EXD3: variants seen among roughly 807,000 people sequenced by gnomAD.
The protein encoded by EXD3 is exonuclease mut-7 homolog.
Under a neutral mutation model 98.0 loss-of-function variants are expected in EXD3, and 92 were observed. The observed-to-expected ratio is 0.94, with a 90% confidence interval of 0.79 to 1.12. The LOEUF is 1.12. Among genes scored for constraint, EXD3 ranks in the 50% most tolerant of loss-of-function variants. The probability of loss-of-function intolerance (pLI) is 0.00; values close to 1 mark genes in which losing one functional copy is unlikely to be tolerated. For missense variants in EXD3, 1,222 were observed against 1,191.6 expected (o/e 1.03, Z -0.38); for synonymous variants, 569 against 526.0 (o/e 1.08, Z -1.12).
intron 7 of EXD3, chr9:137,366,107 C>T (rs1835239100): frequency 1.4e-6 from 1 of 694,804 alleles, no homozygotes; most frequent in Non-Finnish European, 2.6e-6. Flanking sequence ...CAGGTGCTGC[C>T]TTTTCTCTGT....
Position 137,366,797 on chromosome 9 carries a change from G to A in EXD3, c.517-165C>T, listed in dbSNP as rs143198437. Among the ~76,000 whole-genome samples the A allele has an allele frequency of 1.2e-4, 18 of 152,300 alleles. No homozygotes were observed. In the East Asian group the frequency reaches 2.5e-3, roughly 21 times the overall value. On this transcript the variant is annotated intron_variant, in intron 6 of 21. Transcript: ENST00000340951. ...CCAGTGCTCACGCTCACACACACTC[G>A]CCCAAGGCTCCTGCTGGGCTCTGTG...
chr9:137,327,154 G>A (rs1430134235), intron 17 of EXD3, among the ~76,000 whole-genome samples: 1 of 146,126 alleles, frequency 6.8e-6, no homozygotes, highest in African/African-American at 2.5e-5. Context: ...TTTTTTTTGA[G>A]ACAGAGTCTT....
chr9:137,417,214 C>T (rs1406189838), intron 1 of EXD3, among the ~76,000 whole-genome samples: 2 of 152,222 alleles, frequency 1.3e-5, no homozygotes, highest in Non-Finnish European at 2.9e-5. Context: ...TGGACTCGCA[C>T]AGAGGACGCG....
intron 10 of EXD3, 182 bp from the exon 11 acceptor site, chr9:137,352,968 C>T (rs575736579): frequency 6.5e-5 from 92 of 1,409,998 alleles, no homozygotes; most frequent in Admixed American, 1.8e-4. Context: ...TCCACAGGAC[C>T]AAAGCGGCTG....
chr9:137,335,612 G>A (rs547090344), intron 17 of EXD3, among the ~76,000 whole-genome samples: 18 of 151,970 alleles, frequency 1.2e-4, no homozygotes, highest in Non-Finnish European at 2.4e-4. Flanking sequence ...CCCGGGAGGC[G>A]GAGGTTGCAG....
chr9:137,372,004 G>C (rs1252191963), intron 5 of EXD3, among the ~76,000 whole-genome samples: 1 of 152,174 alleles, frequency 6.6e-6, no homozygotes, highest in Non-Finnish European at 1.5e-5. Flanking sequence ...CGACGGGGCT[G>C]TGATGCTAGA....
chr9:137,310,720 A>C (rs1178645497), intron 19 of EXD3, among the ~76,000 whole-genome samples: 1 of 152,166 alleles, frequency 6.6e-6, no homozygotes, highest in East Asian at 1.9e-4. Context: ...CAATGCCAGG[A>C]GGGGGCTGGG....
chr9:137,384,168 C>A (rs1588397611), intron 2 of EXD3, among the ~76,000 whole-genome samples: 1 of 152,216 alleles, frequency 6.6e-6, no homozygotes, highest in African/African-American at 2.4e-5. Context: ...GCTGGGCCCC[C>A]CTGCAGGGCA....
At chr9:137,397,897 C>A (rs988601134) in intron 1 of EXD3, among the ~76,000 whole-genome samples, 1 of 151,994 alleles carries the variant, frequency 6.6e-6, no homozygotes, top group African/African-American at 2.4e-5. Flanking sequence ...GAGCCGAGAT[C>A]GCACCACTGC....
At position 137,348,177 on chromosome 9, in the gene EXD3, C is replaced by G. The variant is rs754981932; in HGVS notation, c.1892G>C (p.Arg631Pro). 1 of 1,612,020 alleles carries G rather than the reference C, an allele frequency of 6.2e-7. No homozygotes were observed. Among genetic ancestry groups the G allele is most frequent in the Non-Finnish European group, 8.5e-7 (1 of 1,179,682 alleles). ...AAPQIPARAF[R>P]VVCDNMLQGL... Reference sequence around the variant, plus strand: ...CTGCAGCATGTTGTCACACACCACACGGAAGGCCCTGGCCGGAATCTGAGG... The same window carrying G: ...CTGCAGCATGTTGTCACACACCACAGGGAAGGCCCTGGCCGGAATCTGAGG... The change falls in exon 17 of 22, where the codon CGT (arginine) becomes CCT (proline). Residue 631 changes from arginine (R) to proline (P), a missense_variant. Physicochemically the swap from Arg to Pro is moderately radical, Grantham distance 103. Transcript: ENST00000340951.
rs571716824 is a variant in EXD3, at chr9:137,405,466, C to T, written c.-47-10062G>A. ...AGCCGCGGACGGAGCCCAGGGCGGC[C>T]GTCGCAGGCCACTCACCCGTCCCCA... On this transcript the variant is annotated intron_variant, in intron 1 of 21. Transcript: ENST00000340951. The surrounding 1 kb of genome is among the most constrained non-coding windows in gnomAD (Gnocchi z 4.1). 1.3e-5 allele frequency among the ~76,000 whole-genome samples: 2 copies of T among 152,334 alleles called. No homozygotes were observed. Among genetic ancestry groups the T allele is most frequent in the Admixed American group, 6.5e-5 (1 of 15,302 alleles).
chr9:137,354,381 CA>C lies in EXD3; in HGVS notation c.832-5del, dbSNP rs1834494925. ...AGTTCTCCTGTGACAGGCTCTTCTG[CA>C]AAGGCAAACAGGAAGGGGCGGTTGC... On this transcript the variant is annotated splice_polypyrimidine_tract_variant and splice_region_variant and intron_variant, in intron 9 of 21. Transcript: ENST00000340951. 2.5e-6 allele frequency: 4 copies of C among 1,612,340 alleles called. No individual in the cohort carries two copies. The East Asian group carries it at 8.9e-5, about 36-fold the overall frequency.
At chr9:137,356,225 C>T in intron 8 of EXD3, 43 bp downstream of exon 8, 1 of 1,460,384 alleles carries the variant, frequency 6.8e-7, no homozygotes, top group Non-Finnish European at 9.4e-7. Context: ...CGCTTGGCGG[C>T]TCTCCCTGGC....
chr9:137,354,164 GGCCTGAGGACCCTACACCC>G (rs1834476164), intron 10 of EXD3, 156 bp downstream of exon 10: 1 of 1,437,320 alleles, frequency 7.0e-7, no homozygotes, highest in African/African-American at 1.4e-5. Flanking sequence ...AGGCCTCCCG[GGCCTGAGGACCCTACACCC>G]GCCTGCCAGC....
rs1384929011 is a variant in EXD3 at position 137,403,898 on chromosome 9, AC to A, written c.-47-8495del. On this transcript the variant is annotated intron_variant, in intron 1 of 21. Transcript: ENST00000340951. This position sits in a 1 kb window ranked among gnomAD's most constrained non-coding sequence, Gnocchi z 6.1. ...ATGGGTCCCGAGGCGGGGCAGTCACACCCCCACGCCATCTCTGCATAGACCC... is the reference window on the plus strand; with the variant it reads ...ATGGGTCCCGAGGCGGGGCAGTCACACCCCACGCCATCTCTGCATAGACCC... Among the ~76,000 whole-genome samples, 1 of 152,064 alleles carries A rather than the reference AC, an allele frequency of 6.6e-6. No homozygotes were observed. The highest frequency in any genetic ancestry group is 1.5e-5 in the Non-Finnish European group (1 of 68,020).
intron 1 of EXD3, among the ~76,000 whole-genome samples, chr9:137,399,260 G>A (rs572595980): frequency 6.3e-4 from 96 of 152,316 alleles, no homozygotes; most frequent in African/African-American, 2.2e-3. Context: ...CCCCGGGGCC[G>A]TGGCCGGATC....
rs779247850 is a variant in EXD3, at chr9:137,351,400, C to A, written c.1302G>T (p.Ser434=). 1.2e-5 allele frequency: 20 copies of A among 1,609,962 alleles called. No individual in the cohort carries two copies. The Admixed American group carries it at 2.9e-4, about 23-fold the overall frequency. Residue 434 remains serine (S), a synonymous_variant, in exon 13 of 22, where the codon TCG becomes TCT. Coordinates refer to ENST00000340951, the MANE Select transcript of EXD3 (RefSeq NM_017820.5). ...GGGCTCCCTGCCCTGTTGGTGGCTGCGAGAGTGCCAGGACGTCCAGAAGGA... is the reference window on the plus strand; with the variant it reads ...GGGCTCCCTGCCCTGTTGGTGGCTGAGAGAGTGCCAGGACGTCCAGAAGGA... ...HVFLLDVLAL[S]QPPTGQGAQA...
rs369230622 is a variant in EXD3 at position 137,367,954 on chromosome 9, C to T, written c.498G>A (p.Ser166=). ...ATLGATLKLQ[S]ELGVEKMSIP... Reference sequence around the variant, plus strand: ...CGTTCACCTTTTCAACGCCAAGCTCCGACTGCAGCTTCAACGTCGCGCCCA... The same window carrying T: ...CGTTCACCTTTTCAACGCCAAGCTCTGACTGCAGCTTCAACGTCGCGCCCA... Residue 166 remains serine (S), a synonymous_variant, in exon 6 of 22, where the codon TCG becomes TCA. Coordinates refer to ENST00000340951, the MANE Select transcript of EXD3 (RefSeq NM_017820.5). 79 of 1,611,948 alleles carry T rather than the reference C, an allele frequency of 4.9e-5. No individual in the cohort carries two copies. The highest frequency in any genetic ancestry group is 1.6e-4 in the Middle Eastern group (1 of 6,080).
At chr9:137,315,018 C>T (rs1831567328) in intron 19 of EXD3, among the ~76,000 whole-genome samples, 1 of 152,202 alleles carries the variant, frequency 6.6e-6, no homozygotes, top group South Asian at 2.1e-4. Context: ...GACACAAGGA[C>T]ATGTGGCCGC....
Sources: allele counts gnomAD v4.1 joint callset (sites outside exome capture counted in the v4.1 genomes callset), GRCh38; gene constraint gnomAD v4.1.1; non-coding constraint Gnocchi (gnomAD v3.1); transcripts MANE v1.5; gene names NCBI Gene and HGNC (gene_info 2026-07-23, HGNC 2026-07-21).